NYAP2: variants seen among roughly 807,000 people sequenced by gnomAD.
NYAP2 encodes the protein neuronal tyrosine-phosphorylated phosphoinositide-3-kinase adaptor 2, also known as neuronal tyrosine-phosphorylated phosphoinositide-3-kinase adapter 2.
A neutral mutation model predicts 50.4 loss-of-function variants in NYAP2; 23 were observed. The observed-to-expected ratio is 0.46, with a 90% CI of 0.33 to 0.65. The LOEUF is 0.65. Among genes scored for constraint, NYAP2 ranks in the 30% least tolerant of loss-of-function variants. The probability of loss-of-function intolerance (pLI) is 0.02; values close to 1 mark genes in which losing one functional copy is unlikely to be tolerated. For synonymous variants in NYAP2, 394 were observed against 365.2 expected (o/e 1.08, Z -0.90); for missense variants, 885 against 861.0 (o/e 1.03, Z -0.35).
intron 3 of NYAP2, among the ~76,000 whole-genome samples, chr2:225,505,008 GAA>G (rs11372243): frequency 2.1e-5 from 3 of 142,898 alleles, no homozygotes; most frequent in African/African-American, 7.7e-5. Context: ...ACTGCGTCTC[GAA>G]AAAAAAAAAA....
At chr2:225,478,353 T>C (rs752582107) in intron 3 of NYAP2, among the ~76,000 whole-genome samples, 2 of 152,184 alleles carry the variant, frequency 1.3e-5, no homozygotes, top group African/African-American at 2.4e-5. Context: ...TCTCTCTCTC[T>C]CTCTTCCTAA....
intron 3 of NYAP2, among the ~76,000 whole-genome samples, chr2:225,410,254 A>T (rs558924629): frequency 2.6e-5 from 4 of 152,212 alleles, no homozygotes; most frequent in African/African-American, 7.2e-5. Context: ...ATTAAAATGA[A>T]AATATATTAT....
At chr2:225,398,876 T>C (rs1694812447), upstream of NYAP2, among the ~76,000 whole-genome samples, 2 of 152,078 alleles carry the variant, frequency 1.3e-5, no homozygotes, top group African/African-American at 2.4e-5. Flanking sequence ...TTTATAGTAA[T>C]GTAATGTGTT....
chr2:225,450,180 G>A (rs1233264118), intron 3 of NYAP2, among the ~76,000 whole-genome samples: 1 of 152,192 alleles, frequency 6.6e-6, no homozygotes. Context: ...TGTAGGTTTA[G>A]TAAGTATAGA....
intron 5 of NYAP2, among the ~76,000 whole-genome samples, chr2:225,620,599 G>C (rs1693082576): frequency 6.6e-6 from 1 of 152,144 alleles, no homozygotes; most frequent in Non-Finnish European, 1.5e-5. Context: ...TTCTATTTAG[G>C]AGGCAGACAT....
intron 4 of NYAP2, among the ~76,000 whole-genome samples, chr2:225,561,782 G>A (rs1050104827): frequency 2.0e-5 from 3 of 152,020 alleles, no homozygotes; most frequent in Non-Finnish European, 2.9e-5. Flanking sequence ...TATTTTAGTA[G>A]CCTGCACATA....
intron 4 of NYAP2, among the ~76,000 whole-genome samples, chr2:225,536,951 AT>A (rs1374734068): frequency 6.6e-6 from 1 of 150,690 alleles, no homozygotes. Context: ...GCTTTTTTAT[AT>A]TTTTTTTAGT....
chr2:225,474,335 A>G (rs1475952580), intron 3 of NYAP2, among the ~76,000 whole-genome samples: 1 of 152,160 alleles, frequency 6.6e-6, no homozygotes, highest in Non-Finnish European at 1.5e-5. Flanking sequence ...AGTTTTTTCC[A>G]ATTCTGTGAA....
intron 6 of NYAP2, among the ~76,000 whole-genome samples, chr2:225,643,533 C>T (rs541011361): frequency 5.3e-5 from 8 of 151,670 alleles, no homozygotes; most frequent in Admixed American, 2.6e-4. Flanking sequence ...CATGCTGGTG[C>T]GCTGCACCCA....
intron 2 of NYAP2, among the ~76,000 whole-genome samples, chr2:225,405,704 A>C (rs550563078): frequency 6.6e-6 from 1 of 152,064 alleles, no homozygotes; most frequent in Non-Finnish European, 1.5e-5. Flanking sequence ...TGGGCTTGGA[A>C]GGGTGGAGAC....
chr2:225,538,411 C>T (rs1055917807), intron 4 of NYAP2, among the ~76,000 whole-genome samples: 5 of 152,240 alleles, frequency 3.3e-5, no homozygotes, highest in African/African-American at 1.2e-4. Flanking sequence ...GACTTCTGTG[C>T]ACTGGCAGGC....
At chr2:225,570,215 A>G (rs1692041916) in intron 4 of NYAP2, among the ~76,000 whole-genome samples, 1 of 152,178 alleles carries the variant, frequency 6.6e-6, no homozygotes, top group African/African-American at 2.4e-5. Flanking sequence ...ATGCCACAAA[A>G]GGGTGTTACT....
At chr2:225,581,047 C>T (rs977076837) in intron 4 of NYAP2, among the ~76,000 whole-genome samples, 1 of 152,212 alleles carries the variant, frequency 6.6e-6, no homozygotes, top group Non-Finnish European at 1.5e-5. Flanking sequence ...CCAGCCTCTT[C>T]CGTGCTATTG....
intron 4 of NYAP2, among the ~76,000 whole-genome samples, chr2:225,565,276 A>G (rs948031153): frequency 6.6e-6 from 1 of 152,224 alleles, no homozygotes; most frequent in Non-Finnish European, 1.5e-5. Flanking sequence ...AAAAACTGAT[A>G]AGAAAACTAA....
Position 225,452,619 on chromosome 2 carries a change from C to T in NYAP2, c.221+43518C>T, listed in dbSNP as rs945280384. 5.3e-5 allele frequency among the ~76,000 whole-genome samples: 8 copies of T among 152,262 alleles called. No individual in the cohort carries two copies. The East Asian group carries it at 7.7e-4, about 15-fold the overall frequency. On this transcript the variant is annotated intron_variant, in intron 3 of 6. Transcript: ENST00000636099. ...TTCCTCAAATCTATAAAGACAATTG[C>T]GGTTTCCCACTGAATTTGATTCATT...
At position 225,574,423 on chromosome 2, in the gene NYAP2, C is replaced by G. The variant is rs533815339; in HGVS notation, c.524-7518C>G. 2.1e-3 allele frequency among the ~76,000 whole-genome samples: 326 copies of G among 152,230 alleles called. 2 individuals carry two copies. The highest frequency in any genetic ancestry group is 7.5e-3 in the African/African-American group (312 of 41,548). On this transcript the variant is annotated intron_variant, in intron 4 of 6. Transcript: ENST00000636099. ...TGTTGATAAGGGCTCAATTTTCCTC[C>G]CTGGTTTTGATTATCTGTGGTTCTT...
chr2:225,486,535 A>C (rs921545521), intron 3 of NYAP2, among the ~76,000 whole-genome samples: 14 of 152,204 alleles, frequency 9.2e-5, no homozygotes, highest in Admixed American at 6.5e-4. Flanking sequence ...TATTAGGTAC[A>C]CTTGATCTCT....
intron 3 of NYAP2, among the ~76,000 whole-genome samples, chr2:225,504,575 T>C (rs577008260): frequency 1.3e-5 from 2 of 152,310 alleles, no homozygotes; most frequent in Admixed American, 1.3e-4. Flanking sequence ...TAATTGAAGT[T>C]CATAAAGTAT....
chr2:225,656,801 T>C (rs933520025), downstream of NYAP2, among the ~76,000 whole-genome samples: 24 of 152,182 alleles, frequency 1.6e-4, no homozygotes, highest in African/African-American at 5.6e-4. Flanking sequence ...CTTCCTCCAA[T>C]GCCCAGCGCA....
Sources: allele counts gnomAD v4.1 joint callset (sites outside exome capture counted in the v4.1 genomes callset), GRCh38; gene constraint gnomAD v4.1.1; transcripts MANE v1.5; gene names NCBI Gene and HGNC (gene_info 2026-07-23, HGNC 2026-07-21).